VSTM2B: variants seen among roughly 807,000 people sequenced by gnomAD.
The protein encoded by VSTM2B is V-set and transmembrane domain-containing protein 2B.
A neutral mutation model predicts 24.0 loss-of-function variants in VSTM2B; 24 were observed. The ratio of observed to expected loss-of-function variants is 1.00; its 90% confidence interval spans 0.72 to 1.40. The LOEUF (loss-of-function observed/expected upper bound fraction) is 1.40, where lower values mean the gene tolerates loss of function less well. Ranked by LOEUF, VSTM2B falls within the 40% of genes most tolerant of loss-of-function variation. The pLI, the probability that VSTM2B is intolerant of heterozygous loss-of-function variation, is 0.00. For synonymous variants in VSTM2B, 226 were observed against 194.4 expected, an observed-to-expected ratio of 1.16 and a Z score of -1.35; for missense variants, 399 against 416.4, an observed-to-expected ratio of 0.96 and a Z score of 0.36.
chr19:29,537,133 G>C (rs776976209), intron 4 of VSTM2B, among the ~76,000 whole-genome samples: 17 of 152,220 alleles, frequency 1.1e-4, no homozygotes, highest in Non-Finnish European at 2.9e-5. Context: ...AGGGAAGTTT[G>C]AGATGGGAAG....
At chr19:29,533,411 G>T (rs908559495) in intron 4 of VSTM2B, among the ~76,000 whole-genome samples, 1 of 152,132 alleles carries the variant, frequency 6.6e-6, no homozygotes, top group Non-Finnish European at 1.5e-5. Context: ...TCCTGAACTG[G>T]CCAGGAACTG....
chr19:29,558,049 A>G (rs974670717), intron 4 of VSTM2B, among the ~76,000 whole-genome samples: 1 of 152,204 alleles, frequency 6.6e-6, no homozygotes, highest in African/African-American at 2.4e-5. Flanking sequence ...ATGAACAGAC[A>G]CTTCTCAAAA....
At chr19:29,559,460 G>A (rs1970481026) in intron 4 of VSTM2B, among the ~76,000 whole-genome samples, 1 of 152,188 alleles carries the variant, frequency 6.6e-6, no homozygotes, top group African/African-American at 2.4e-5. Flanking sequence ...GGGCCTATTG[G>A]GGGTTGAAAG....
rs1206637996 is a variant in VSTM2B, at chr19:29,564,059, T to C, written c.*125T>C. ...CGCATGAAAAAGTCCACATGGAAAA[T>C]AAATAAATCATATTTTTGGGAAAGT... On this transcript the variant is annotated 3_prime_UTR_variant, in exon 5 of 5. Coordinates refer to ENST00000335523, the MANE Select transcript of VSTM2B (RefSeq NM_001146339.2). 2 of 714,562 alleles carry C rather than the reference T, an allele frequency of 2.8e-6. No individual in the cohort carries two copies. Among genetic ancestry groups the C allele is most frequent in the Non-Finnish European group, 4.7e-6 (2 of 426,968 alleles). 44.3% of individuals were successfully genotyped at this position (714,562 alleles called of 1,614,324 possible).
intron 4 of VSTM2B, among the ~76,000 whole-genome samples, chr19:29,561,239 G>T (rs1054984219): frequency 1.8e-4 from 28 of 152,048 alleles, no homozygotes; most frequent in Non-Finnish European, 4.4e-5. Flanking sequence ...TTGAACCTGG[G>T]AGGCAGAGGT....
chr19:29,533,234 A>G (rs562852225), intron 4 of VSTM2B, among the ~76,000 whole-genome samples: 12 of 152,344 alleles, frequency 7.9e-5, no homozygotes, highest in Admixed American at 6.5e-4. Context: ...CCACGGGGCC[A>G]TATGTTAATG....
intron 4 of VSTM2B, among the ~76,000 whole-genome samples, chr19:29,552,986 G>A (rs1970321427): frequency 1.3e-5 from 2 of 152,164 alleles, no homozygotes; most frequent in African/African-American, 2.4e-5. Flanking sequence ...GCCCCTCAGG[G>A]GAGGGGTGTC....
At chr19:29,527,086 C>A in intron 1 of VSTM2B, 125 bp from the exon 2 acceptor site, 1 of 872,298 alleles carries the variant, frequency 1.1e-6, no homozygotes, top group Non-Finnish European at 1.7e-6. Context: ...CGGCCGTGCG[C>A]CAGGGAGCAG....
At chr19:29,547,811 G>A (rs1271867120) in intron 4 of VSTM2B, among the ~76,000 whole-genome samples, 11 of 152,242 alleles carry the variant, frequency 7.2e-5, no homozygotes, top group South Asian at 2.1e-4. Context: ...GGGGCTAGTC[G>A]TTCTGCGGGG....
intron 4 of VSTM2B, among the ~76,000 whole-genome samples, chr19:29,536,368 T>C (rs529247470): frequency 6.6e-6 from 1 of 152,282 alleles, no homozygotes; most frequent in African/African-American, 2.4e-5. Flanking sequence ...CCCAATTAGG[T>C]CAGACCTTGG....
chr19:29,556,335 C>A (rs936129625), intron 4 of VSTM2B, among the ~76,000 whole-genome samples: 2 of 152,180 alleles, frequency 1.3e-5, no homozygotes, highest in Admixed American at 1.3e-4. Context: ...AATTCAACAT[C>A]CCTTCATGTC....
rs1188323504 is a variant in VSTM2B, at chr19:29,527,385, C to T, written c.257C>T (p.Ala86Val). The T allele has an allele frequency of 1.3e-6, 2 of 1,537,858 alleles. No homozygotes were observed. Among genetic ancestry groups the T allele is most frequent in the East Asian group, 2.5e-5 (1 of 40,204 alleles). ...GAGCTGGCGCTCAGCGTGCCGGGCG[C>T]CCGGAGCAAGGTAACCCGCCGCCCA... is the stretch of plus-strand genomic sequence containing the variant. ...LHELALSVPG[A>V]RSKVTNKDAT... Residue 86 changes from alanine (A) to valine (V), a missense_variant, in exon 2 of 5, where the codon GCC (alanine) becomes GTC (valine). Coordinates refer to ENST00000335523, the MANE Select transcript of VSTM2B (RefSeq NM_001146339.2).
Position 29,530,253 on chromosome 19 carries a change from G to C in VSTM2B, c.732G>C (p.Ser244=). The C allele has an allele frequency of 1.3e-6, 2 of 1,500,238 alleles. No individual in the cohort carries two copies. Among genetic ancestry groups the C allele is most frequent in the East Asian group, 2.8e-5 (1 of 35,980 alleles). 92.9% of individuals were successfully genotyped at this position (1,500,238 alleles called of 1,614,324 possible). Residue 244 remains serine (S), a synonymous_variant, in exon 4 of 5, where the codon TCG becomes TCC. Coordinates refer to ENST00000335523, the MANE Select transcript of VSTM2B (RefSeq NM_001146339.2). ...CTGCCTCGTCAGCGTCGCCGCCATC[G>C]GGACAGGCGGTCCTGCTGCGCCAGA... ...AAAASSASPP[S]GQAVLLRQRH...
intron 4 of VSTM2B, 54 bp downstream of exon 4, chr19:29,530,344 TGCGCC>T (rs1293058690): frequency 2.1e-6 from 3 of 1,411,628 alleles, no homozygotes; most frequent in Non-Finnish European, 2.8e-6. Context: ...GGGCTAGGGC[TGCGCC>T]GGGACGCCCC....
chr19:29,562,821 GA>G (rs1248780995), intron 4 of VSTM2B, among the ~76,000 whole-genome samples: 1 of 152,118 alleles, frequency 6.6e-6, no homozygotes, highest in Non-Finnish European at 1.5e-5. Flanking sequence ...CCAGGCGGGG[GA>G]CCAAGGCGAA....
intron 4 of VSTM2B, among the ~76,000 whole-genome samples, chr19:29,559,488 A>G (rs947351742): frequency 6.6e-6 from 1 of 152,226 alleles, no homozygotes; most frequent in Non-Finnish European, 1.5e-5. Flanking sequence ...GAGGGATAGC[A>G]TTAGGAGAAA....
chr19:29,527,915 C>T (rs2145456388), intron 2 of VSTM2B, among the ~76,000 whole-genome samples: 1 of 152,332 alleles, frequency 6.6e-6, no homozygotes, highest in Admixed American at 6.5e-5. Flanking sequence ...TCAAAACCCA[C>T]ACTCTCTTAC....
chr19:29,549,142 A>AT (rs1970215036), intron 4 of VSTM2B, among the ~76,000 whole-genome samples: 1 of 152,206 alleles, frequency 6.6e-6, no homozygotes. Flanking sequence ...TACATGCCAG[A>AT]TTATAATTTA....
chr19:29,540,262 C>T (rs760897994), intron 4 of VSTM2B, among the ~76,000 whole-genome samples: 41 of 152,228 alleles, frequency 2.7e-4, no homozygotes, highest in African/African-American at 9.4e-4. Context: ...GCAGACCTAG[C>T]CCCTGCCCCA....
Sources: allele counts gnomAD v4.1 joint callset (sites outside exome capture counted in the v4.1 genomes callset), GRCh38; gene constraint gnomAD v4.1.1; transcripts MANE v1.5; gene names NCBI Gene and HGNC (gene_info 2026-07-23, HGNC 2026-07-21).